Variants in DLC1 observed in about 807,000 individuals in gnomAD.
DLC1 encodes DLC1 Rho GTPase activating protein, also known as rho GTPase-activating protein 7.
DLC1 carries 54 observed loss-of-function variants against 140.3 expected under a neutral mutation model. The observed-to-expected ratio is 0.38, with a 90% CI of 0.31 to 0.48. The LOEUF is 0.48. Among genes scored for constraint, DLC1 ranks in the 20% least tolerant of loss-of-function variants. The pLI is 0.96. For missense variants in DLC1, 2,536 were observed against 1,907.0 expected, an observed-to-expected ratio of 1.33 and a Z score of -6.14; for synonymous variants, 986 against 728.1, an observed-to-expected ratio of 1.35 and a Z score of -5.70.
At chr8:13,460,015 T>C (rs1471960466) in intron 2 of DLC1, among the ~76,000 whole-genome samples, 1 of 152,136 alleles carries the variant, frequency 6.6e-6, no homozygotes, top group Admixed American at 6.6e-5. Context: ...ATTGAATTAT[T>C]TCATCTTGCC....
At chr8:13,504,143 T>A (rs78068670) in intron 1 of DLC1, among the ~76,000 whole-genome samples, 7 of 149,588 alleles carry the variant, frequency 4.7e-5, no homozygotes, top group Non-Finnish European at 1.0e-4. Flanking sequence ...TTTTTTTTTT[T>A]AAGACAGAGT....
At chr8:13,226,953 C>G (rs769653176) in intron 5 of DLC1, among the ~76,000 whole-genome samples, 2 of 152,072 alleles carry the variant, frequency 1.3e-5, no homozygotes, top group Non-Finnish European at 2.9e-5. Context: ...TGGACTGATA[C>G]TGTGAGGAGG....
intron 5 of DLC1, among the ~76,000 whole-genome samples, chr8:13,288,570 G>T (rs1199521431): frequency 1.3e-5 from 2 of 152,104 alleles, no homozygotes. Flanking sequence ...TCCCTCCTCA[G>T]CTAAATGTCC....
chr8:13,395,153 C>T (rs1262170958), intron 3 of DLC1, among the ~76,000 whole-genome samples: 1 of 151,074 alleles, frequency 6.6e-6, no homozygotes, highest in Admixed American at 6.6e-5. Flanking sequence ...TGGAGTCTCA[C>T]ACCGTCGCCC....
intron 1 of DLC1, among the ~76,000 whole-genome samples, chr8:13,500,781 TTA>T (rs1801777400): frequency 6.6e-6 from 1 of 151,288 alleles, no homozygotes; most frequent in Non-Finnish European, 1.5e-5. Flanking sequence ...TTAGCACATA[TTA>T]ACACAGAATG....
intron 4 of DLC1, among the ~76,000 whole-genome samples, chr8:13,356,088 T>TGA (rs1214611466): frequency 3.1e-4 from 2 of 6,540 alleles, no homozygotes; most frequent in African/African-American, 6.7e-4. Context: ...AGACTCCATC[T>TGA]CAAAAAAAAA....
At position 13,084,170 on chromosome 8, in the gene DLC1, G is replaced by A. The variant is rs1817367983; in HGVS notation, c.*1641C>T. The A allele has an allele frequency of 6.6e-6, 1 of 152,528 alleles. No homozygotes were observed. The highest frequency in any genetic ancestry group is 2.1e-4 in the South Asian group (1 of 4,830). The allele number at this position is 152,528 out of a possible 1,614,324, so 9.4% of individuals were successfully genotyped here. A position where few individuals can be genotyped will look rare whatever the true frequency, so the allele number is the denominator to read the frequency against. ...CTATGTTTGAAAGCACAGTGGACATGTTTCTTAATAGAATGGTATATACAA... is the reference window on the plus strand; with the variant it reads ...CTATGTTTGAAAGCACAGTGGACATATTTCTTAATAGAATGGTATATACAA... On this transcript the variant is annotated 3_prime_UTR_variant, in exon 18 of 18. Coordinates refer to ENST00000276297, the MANE Select transcript of DLC1 (RefSeq NM_182643.3).
intron 5 of DLC1, among the ~76,000 whole-genome samples, chr8:13,299,687 G>A (rs1832105458): frequency 6.6e-6 from 1 of 152,116 alleles, no homozygotes. Flanking sequence ...GTATATCAGT[G>A]AGGCTCCTTG....
intron 5 of DLC1, among the ~76,000 whole-genome samples, chr8:13,214,965 C>A (rs1828126446): frequency 6.6e-6 from 1 of 152,164 alleles, no homozygotes; most frequent in African/African-American, 2.4e-5. Context: ...ACCACGTAAC[C>A]ATCCAGGAGG....
chr8:13,504,377 G>T (rs1156921288), intron 1 of DLC1, among the ~76,000 whole-genome samples: 1 of 152,084 alleles, frequency 6.6e-6, no homozygotes, highest in East Asian at 1.9e-4. Flanking sequence ...CGCCTGCCTC[G>T]GCCTCCCAAA....
chr8:13,353,362 AC>A (rs1834767503), intron 4 of DLC1: 1 of 152,136 alleles, frequency 6.6e-6, no homozygotes, highest in Non-Finnish European at 1.5e-5. Flanking sequence ...TCTGTAAAAG[AC>A]TTCACTGTTT....
At chr8:13,141,167 A>C (rs905546630) in intron 5 of DLC1, among the ~76,000 whole-genome samples, 1 of 149,416 alleles carries the variant, frequency 6.7e-6, no homozygotes, top group South Asian at 2.1e-4. Context: ...AGGCAGGAGA[A>C]TCACTTGAAT....
chr8:13,101,793 G>GAAC (rs1226465520), intron 8 of DLC1, among the ~76,000 whole-genome samples: 1 of 152,178 alleles, frequency 6.6e-6, no homozygotes, highest in African/African-American at 2.4e-5. Context: ...AAACACTAAG[G>GAAC]AACGTCTTTG....
At chr8:13,091,129 A>G (rs1239275308) in intron 14 of DLC1, among the ~76,000 whole-genome samples, 189 bp downstream of exon 14, 1 of 152,070 alleles carries the variant, frequency 6.6e-6, no homozygotes, top group Non-Finnish European at 1.5e-5. Context: ...TAAAGGGACA[A>G]TTTCATTAAA....
At chr8:13,303,258 G>T (rs78610279) in intron 5 of DLC1, among the ~76,000 whole-genome samples, 1,751 of 152,278 alleles carry the variant, frequency 0.011, 20 homozygotes, top group South Asian at 0.039. Flanking sequence ...ATCCTGAGTT[G>T]CTAGGTATCT....
At chr8:13,551,075 C>CACACACACACACACACTT (rs71207163) in intron 1 of DLC1, among the ~76,000 whole-genome samples, 78 of 121,670 alleles carry the variant, frequency 6.4e-4, no homozygotes, top group East Asian at 5.5e-3. Flanking sequence ...CACACACACA[C>CACACACACACACACACTT]TTTTTTTTTT....
chr8:13,455,529 G>A (rs930108951), intron 2 of DLC1, among the ~76,000 whole-genome samples: 1 of 152,018 alleles, frequency 6.6e-6, no homozygotes, highest in Non-Finnish European at 1.5e-5. Flanking sequence ...AAGCTATTCG[G>A]GAAGACTCTA....
At chr8:13,441,229 A>T (rs289627) in intron 2 of DLC1, among the ~76,000 whole-genome samples, 17,145 of 152,182 alleles carry the variant, frequency 0.11, 1,567 homozygotes, top group African/African-American at 0.25. Flanking sequence ...AGAGCTATCT[A>T]TGACAAACCC....
chr8:13,276,920 G>C (rs73560546), intron 5 of DLC1: 2,775 of 152,462 alleles, frequency 0.018, 75 homozygotes, highest in African/African-American at 0.063. Context: ...CATGGTTTTA[G>C]ATTAGGCGGT....
Sources: allele counts gnomAD v4.1 joint callset (sites outside exome capture counted in the v4.1 genomes callset), GRCh38; gene constraint gnomAD v4.1.1; transcripts MANE v1.5; gene names NCBI Gene and HGNC (gene_info 2026-07-23, HGNC 2026-07-21).